RAD18: variants seen among roughly 807,000 people sequenced by gnomAD.
RAD18 encodes RAD18 E3 ubiquitin protein ligase, also known as E3 ubiquitin-protein ligase RAD18.
RAD18 carries 47 observed loss-of-function variants against 60.4 expected under a neutral mutation model. The ratio of observed to expected loss-of-function variants is 0.78; its 90% CI spans 0.62 to 0.99. RAD18 has a LOEUF of 0.99. RAD18 is among the 50% of genes least tolerant of loss of function. The pLI is 0.00. For missense variants in RAD18, 640 were observed against 593.3 expected, an observed-to-expected ratio of 1.08 and a Z score of -0.82; for synonymous variants, 225 against 195.5, an observed-to-expected ratio of 1.15 and a Z score of -1.26.
Position 8,881,444 on chromosome 3 carries a change from G to A in RAD18, c.1401C>T (p.Asp467=). The A allele has an allele frequency of 6.2e-7, 1 of 1,609,326 alleles. No individual in the cohort carries two copies. The highest frequency in any genetic ancestry group is 8.5e-7 in the Non-Finnish European group (1 of 1,175,804). ...GATTCTGTCTTGGACTTATTTCTGT[G>A]TCTTGAAGATCGTTTCTGAAGACAG... ...WEASHKNDLQ[D]TEISPRQNRR... Residue 467 remains aspartate (D), a synonymous_variant, in exon 13 of 13, where the codon GAC becomes GAT. Coordinates refer to ENST00000264926, the MANE Select transcript of RAD18 (RefSeq NM_020165.4).
At chr3:8,914,103 C>A (rs1460649150) in intron 7 of RAD18, among the ~76,000 whole-genome samples, 2 of 152,174 alleles carry the variant, frequency 1.3e-5, no homozygotes, top group East Asian at 1.9e-4. Flanking sequence ...TGCAGTACAA[C>A]AGGCTACTGT....
At chr3:8,903,606 T>C (rs761618700) in intron 9 of RAD18, among the ~76,000 whole-genome samples, 5 of 152,230 alleles carry the variant, frequency 3.3e-5, no homozygotes, top group African/African-American at 1.2e-4. Context: ...TCATTATTAA[T>C]GTACCAATCT....
At chr3:8,959,299 G>A (rs1465879431) in intron 1 of RAD18, among the ~76,000 whole-genome samples, 1 of 152,192 alleles carries the variant, frequency 6.6e-6, no homozygotes, top group Non-Finnish European at 1.5e-5. Flanking sequence ...CTGTACTTCT[G>A]TTCCACTTCT....
chr3:8,898,759 G>T, intron 11 of RAD18, 135 bp downstream of exon 11: 1 of 761,192 alleles, frequency 1.3e-6, no homozygotes, highest in Non-Finnish European at 2.0e-6. Context: ...AGACCCAGCA[G>T]TAAAAGGGGA....
intron 12 of RAD18, among the ~76,000 whole-genome samples, chr3:8,886,011 TGG>T (rs1357846701): frequency 6.6e-6 from 1 of 152,132 alleles, no homozygotes; most frequent in Non-Finnish European, 1.5e-5. Context: ...TGGAAAAGGG[TGG>T]GTCAGTTAGT....
chr3:8,927,130 G>A (rs577780846), intron 7 of RAD18, among the ~76,000 whole-genome samples: 3 of 152,320 alleles, frequency 2.0e-5, no homozygotes, highest in East Asian at 1.9e-4. Flanking sequence ...GCAACCTACA[G>A]AATGGGAGAA....
intron 7 of RAD18, among the ~76,000 whole-genome samples, chr3:8,926,698 T>G (rs754842442): frequency 1.7e-4 from 26 of 152,280 alleles, no homozygotes; most frequent in East Asian, 9.6e-4. Flanking sequence ...ATGGTACTGG[T>G]ACCAAAACAG....
intron 4 of RAD18, chr3:8,947,002 C>G (rs1940849631): frequency 2.3e-6 from 1 of 437,812 alleles, no homozygotes. Flanking sequence ...TGCGTTTTAA[C>G]TCTTAATTAT....
At chr3:8,956,333 G>A (rs889052927) in intron 2 of RAD18, among the ~76,000 whole-genome samples, 2 of 152,148 alleles carry the variant, frequency 1.3e-5, no homozygotes, top group Non-Finnish European at 2.9e-5. Context: ...TGCTGCAACA[G>A]TCAATCTGGT....
intron 11 of RAD18, among the ~76,000 whole-genome samples, 167 bp from the exon 12 acceptor site, chr3:8,890,618 C>A (rs1412892573): frequency 6.6e-6 from 1 of 152,008 alleles, no homozygotes. Context: ...AAAGAGAGAG[C>A]CAAATGTAGT....
chr3:8,939,206 G>A (rs1483592228), intron 6 of RAD18, among the ~76,000 whole-genome samples: 1 of 151,950 alleles, frequency 6.6e-6, no homozygotes, highest in Non-Finnish European at 1.5e-5. Flanking sequence ...CTTATATTCA[G>A]AGTCTAACCT....
chr3:8,889,758 T>G (rs1939651060), intron 12 of RAD18, among the ~76,000 whole-genome samples: 1 of 152,146 alleles, frequency 6.6e-6, no homozygotes, highest in African/African-American at 2.4e-5. Context: ...CTTTTACGCA[T>G]ATTAAAGAGT....
intron 4 of RAD18, 55 bp downstream of exon 4, chr3:8,947,165 G>C: frequency 4.5e-6 from 6 of 1,321,582 alleles, no homozygotes; most frequent in Non-Finnish European, 6.5e-6. Flanking sequence ...AGTAAAGAGA[G>C]AACACATATA....
chr3:8,923,109 C>T (rs1940359238), intron 7 of RAD18, among the ~76,000 whole-genome samples: 1 of 152,100 alleles, frequency 6.6e-6, no homozygotes, highest in Non-Finnish European at 1.5e-5. Context: ...GATGATCAAA[C>T]TTCCCCGAGC....
intron 7 of RAD18, 67 bp downstream of exon 7, chr3:8,935,803 TA>T: frequency 7.6e-7 from 1 of 1,323,448 alleles, no homozygotes; most frequent in Admixed American, 2.6e-5. Context: ...CTATGGTTTA[TA>T]ATTTCTGAGC....
intron 1 of RAD18, among the ~76,000 whole-genome samples, chr3:8,961,029 T>C (rs1941088217): frequency 6.6e-6 from 1 of 152,182 alleles, no homozygotes; most frequent in Admixed American, 6.5e-5. Flanking sequence ...AGGGTTATGT[T>C]CAAGATCAAT....
chr3:8,925,832 G>A (rs573915433), intron 7 of RAD18, among the ~76,000 whole-genome samples: 9 of 152,290 alleles, frequency 5.9e-5, no homozygotes, highest in African/African-American at 1.7e-4. Context: ...CTCAATAGAT[G>A]CAGAAAAGGC....
At chr3:8,916,486 G>A (rs1233850195) in intron 7 of RAD18, among the ~76,000 whole-genome samples, 2 of 152,118 alleles carry the variant, frequency 1.3e-5, no homozygotes, top group Admixed American at 1.3e-4. Context: ...TTAAAAAAAA[G>A]TCTGGCACCT....
intron 11 of RAD18, among the ~76,000 whole-genome samples, chr3:8,894,757 C>A (rs550831579): frequency 8.0e-6 from 1 of 125,760 alleles, no homozygotes; most frequent in Non-Finnish European, 1.6e-5. Context: ...CCAGTTTAAG[C>A]GCTTTTTTTT....
Sources: allele counts gnomAD v4.1 joint callset (sites outside exome capture counted in the v4.1 genomes callset), GRCh38; gene constraint gnomAD v4.1.1; transcripts MANE v1.5; gene names NCBI Gene and HGNC (gene_info 2026-07-23, HGNC 2026-07-21).